The following PHKB variants were observed in gnomAD, a reference collection of about 807,000 sequenced individuals.
PHKB encodes phosphorylase kinase regulatory subunit beta.
PHKB carries 122 observed loss-of-function variants against 152.1 expected under a neutral mutation model. The observed-to-expected ratio is 0.80, with a 90% confidence interval of 0.69 to 0.93. The LOEUF (loss-of-function observed/expected upper bound fraction) is 0.93. Ranked by LOEUF, PHKB falls within the 40% of genes least tolerant of loss-of-function variation. The probability of loss-of-function intolerance (pLI) is 0.00; values close to 1 mark genes in which losing one functional copy is unlikely to be tolerated. For synonymous variants in PHKB, 436 were observed against 464.9 expected (o/e 0.94, Z 0.80); for missense variants, 1,304 against 1,328.4 (o/e 0.98, Z 0.29).
At chr16:47,674,588 T>C (rs1420208985) in intron 26 of PHKB, among the ~76,000 whole-genome samples, 1 of 152,180 alleles carries the variant, frequency 6.6e-6, no homozygotes, top group Admixed American at 6.5e-5. Context: ...TGCATCAACA[T>C]TGGTTTAGGA....
At chr16:47,569,809 A>G (rs1971628255) in intron 7 of PHKB, among the ~76,000 whole-genome samples, 1 of 152,102 alleles carries the variant, frequency 6.6e-6, no homozygotes, top group South Asian at 2.1e-4. Context: ...TTTAGTAAAG[A>G]CGATGTTTCA....
chr16:47,586,304 G>A (rs1479061175), intron 8 of PHKB, among the ~76,000 whole-genome samples: 1 of 152,202 alleles, frequency 6.6e-6, no homozygotes, highest in Non-Finnish European at 1.5e-5. Context: ...AAAGCAGAGT[G>A]CACAGTACCT....
intron 14 of PHKB, among the ~76,000 whole-genome samples, chr16:47,627,060 T>G (rs1972723564): frequency 6.6e-6 from 1 of 152,208 alleles, no homozygotes; most frequent in African/African-American, 2.4e-5. Context: ...TTTCTTTGCT[T>G]GTAACCCACC....
At chr16:47,503,183 C>G (rs1395804236) in intron 4 of PHKB, 93 bp downstream of exon 4, 2 of 930,002 alleles carry the variant, frequency 2.2e-6, no homozygotes, top group East Asian at 2.6e-5. Context: ...GAAGAATGTA[C>G]TTTTCAAAGG....
intron 20 of PHKB, among the ~76,000 whole-genome samples, chr16:47,656,530 TAAAACATGCATAAC>T (rs1348247431): frequency 6.6e-6 from 1 of 152,222 alleles, no homozygotes; most frequent in Admixed American, 6.5e-5. Context: ...AAAATTGTGG[TAAAACATGCATAAC>T]ATAAAATTTG....
At chr16:47,628,432 T>A (rs1309253456) in intron 14 of PHKB, among the ~76,000 whole-genome samples, 9 of 152,202 alleles carry the variant, frequency 5.9e-5, no homozygotes, top group African/African-American at 2.2e-4. Context: ...CTTGGGAGGC[T>A]GAGGCAGGAG....
chr16:47,698,289 C>T (rs111993605), intron 29 of PHKB, among the ~76,000 whole-genome samples, 159 bp from the exon 30 acceptor site: 59 of 152,284 alleles, frequency 3.9e-4, no homozygotes, highest in African/African-American at 1.3e-3. Context: ...AGAATTTATG[C>T]AAATAACTTG....
intron 10 of PHKB, among the ~76,000 whole-genome samples, chr16:47,592,509 AC>A (rs1972045789): frequency 6.6e-6 from 1 of 152,242 alleles, no homozygotes; most frequent in Admixed American, 6.5e-5. Context: ...GCCTTGAGTT[AC>A]CTTAGCTCAT....
At position 47,570,822 on chromosome 16, in the gene PHKB, A is replaced by G. The variant is rs550022964; in HGVS notation, c.711-9473A>G. The stretch of plus-strand genomic sequence containing the variant: ...TTGGATCCATTGCTGGAGAGTTAGT[A>G]TGTATTGGGGAGGGGGTAGTATTGT... On this transcript the variant is annotated intron_variant, in intron 7 of 30. Coordinates refer to ENST00000323584, the MANE Select transcript of PHKB (RefSeq NM_000293.3). 3.3e-5 allele frequency among the ~76,000 whole-genome samples: 5 copies of G among 152,122 alleles called. No individual in the cohort carries two copies. In the South Asian group the frequency reaches 1.0e-3, roughly 32 times the overall value.
chr16:47,573,243 A>G (rs1971693119), intron 7 of PHKB, among the ~76,000 whole-genome samples: 1 of 152,092 alleles, frequency 6.6e-6, no homozygotes, highest in African/African-American at 2.4e-5. Flanking sequence ...TACCCTGGGG[A>G]AACACTCATA....
intron 14 of PHKB, among the ~76,000 whole-genome samples, chr16:47,623,250 A>G (rs1972648243): frequency 6.6e-6 from 1 of 152,110 alleles, no homozygotes; most frequent in South Asian, 2.1e-4. Context: ...TTTTATTTCA[A>G]TAATTTATTA....
chr16:47,470,975 A>G (rs960483725), intron 1 of PHKB, among the ~76,000 whole-genome samples: 25 of 152,112 alleles, frequency 1.6e-4, no homozygotes, highest in Admixed American at 9.2e-4. Context: ...GAACTTTGCT[A>G]CTAGAGCCAT....
At position 47,637,885 on chromosome 16, in the gene PHKB, T is replaced by G. The variant is rs528820148; in HGVS notation, c.1459-3150T>G. The stretch of plus-strand genomic sequence containing the variant: ...ATCCAAGATCAAGGTGCTGGTAGAT[T>G]GAGTGTCTGGTGTGGGCCTTCTCTC... On this transcript the variant is annotated intron_variant, in intron 14 of 30. Coordinates refer to ENST00000323584, the MANE Select transcript of PHKB (RefSeq NM_000293.3). 3.9e-5 allele frequency among the ~76,000 whole-genome samples: 6 copies of G among 152,258 alleles called. No individual in the cohort carries two copies. In the South Asian group the frequency reaches 6.2e-4, roughly 16 times the overall value.
intron 6 of PHKB, among the ~76,000 whole-genome samples, chr16:47,527,370 A>G (rs543955202): frequency 1.1e-4 from 16 of 152,212 alleles, no homozygotes; most frequent in African/African-American, 3.4e-4. Context: ...TAGGATAGAG[A>G]CTCTCAAAAC....
chr16:47,519,301 A>G (rs1303906094), intron 6 of PHKB, among the ~76,000 whole-genome samples: 1 of 152,228 alleles, frequency 6.6e-6, no homozygotes, highest in African/African-American at 2.4e-5. Flanking sequence ...TTTGCTATGT[A>G]ACAAACTACC....
chr16:47,602,542 CTTTT>C (rs34655174), intron 13 of PHKB, among the ~76,000 whole-genome samples: 13 of 122,674 alleles, frequency 1.1e-4, no homozygotes, highest in South Asian at 2.6e-4. Flanking sequence ...GCTTCTCTTC[CTTTT>C]TTTTTTTTTT....
intron 14 of PHKB, among the ~76,000 whole-genome samples, chr16:47,630,479 G>A (rs928097833): frequency 4.7e-5 from 7 of 148,250 alleles, no homozygotes; most frequent in East Asian, 3.9e-4. Flanking sequence ...GGAAACTGTC[G>A]CAAAAAAAAA....
intron 27 of PHKB, among the ~76,000 whole-genome samples, chr16:47,689,387 C>CT (rs749214267): frequency 2.1e-4 from 32 of 152,192 alleles, no homozygotes; most frequent in Non-Finnish European, 3.5e-4. Context: ...GAATTTTATG[C>CT]TTTTTTTCCA....
chr16:47,483,806 T>A (rs1354178203), intron 1 of PHKB, among the ~76,000 whole-genome samples: 3 of 152,206 alleles, frequency 2.0e-5, no homozygotes, highest in Non-Finnish European at 2.9e-5. Context: ...TGTGGCTGAG[T>A]CACAGTAACT....
Sources: allele counts gnomAD v4.1 joint callset (sites outside exome capture counted in the v4.1 genomes callset), GRCh38; gene constraint gnomAD v4.1.1; transcripts MANE v1.5; gene names NCBI Gene and HGNC (gene_info 2026-07-23, HGNC 2026-07-21).